Variants in CYP4F2 observed in about 807,000 individuals in gnomAD.
CYP4F2 encodes cytochrome P450 family 4 subfamily F member 2.
In CYP4F2, 58 loss-of-function variants were observed where a neutral mutation model predicts 58.9. The ratio of observed to expected loss-of-function variants is 0.98; its 90% CI spans 0.80 to 1.23. The LOEUF (loss-of-function observed/expected upper bound fraction) is 1.23. Among genes scored for constraint, CYP4F2 ranks in the 50% most tolerant of loss-of-function variants. CYP4F2 has a pLI of 0.00. For synonymous variants in CYP4F2, 287 were observed against 261.1 expected, an observed-to-expected ratio of 1.10 and a Z score of -0.95; for missense variants, 616 against 685.6, an observed-to-expected ratio of 0.90 and a Z score of 1.13.
At chr19:15,883,179 A>T (rs3093224) in intron 9 of CYP4F2, among the ~76,000 whole-genome samples, 1 of 152,196 alleles carries the variant, frequency 6.6e-6, no homozygotes, top group Non-Finnish European at 1.5e-5. Flanking sequence ...TGAAGAATCA[A>T]CTTACAGAAT....
At chr19:15,891,714 A>G (rs991519618) in intron 5 of CYP4F2, among the ~76,000 whole-genome samples, 3 of 152,156 alleles carry the variant, frequency 2.0e-5, no homozygotes, top group Non-Finnish European at 4.4e-5. Flanking sequence ...CTGCATTGTG[A>G]ACCATGGCGC....
chr19:15,896,382 C>T (rs574009269), intron 2 of CYP4F2, among the ~76,000 whole-genome samples: 8 of 152,294 alleles, frequency 5.3e-5, no homozygotes, highest in East Asian at 1.9e-4. Flanking sequence ...AGGGAGAAGA[C>T]GCACTGTCCA....
Position 15,897,567 on chromosome 19 carries a change from T to G in CYP4F2, c.45A>C (p.Ala15=). Residue 15 remains alanine, a synonymous_variant, in exon 2 of 13, where the codon GCA becomes GCC. Transcript: ENST00000221700. ...SLSWLGLWPV[A]ASPWLLLLLV... ...GCAGGAGGAGCAGCCAAGGGGATGC[T>G]GCCACTGGCCAGAGGCCCAGCCAGG... 2 of 1,613,914 alleles carry G rather than the reference T, an allele frequency of 1.2e-6. No individual in the cohort carries two copies. The highest frequency in any genetic ancestry group is 1.1e-5 in the South Asian group (1 of 91,070).
At chr19:15,896,058 G>T (rs1179789301) in intron 2 of CYP4F2, among the ~76,000 whole-genome samples, 3 of 145,256 alleles carry the variant, frequency 2.1e-5, no homozygotes, top group Non-Finnish European at 3.0e-5. Context: ...CCTATTATTT[G>T]TCTATCTATC....
Position 15,890,318 on chromosome 19 carries a change from C to A in CYP4F2, c.641G>T (p.Cys214Phe). The A allele has an allele frequency of 1.2e-6, 2 of 1,614,098 alleles. No individual in the cohort carries two copies. The highest frequency in any genetic ancestry group is 8.5e-7 in the Non-Finnish European group (1 of 1,179,998). Residue 214 changes from cysteine (C) to phenylalanine (F), a missense_variant, in exon 6 of 13, where the codon TGT becomes TTT. By Grantham distance (205) the Cys-to-Phe change is radical. Coordinates refer to ENST00000221700, the MANE Select transcript of CYP4F2 (RefSeq NM_001082.5). ...QKCVFSFDSH[C>F]QEKPSEYIAA... ...ATCCTGGGCAAGAACTTACTCCTGA[C>A]AATGGCTGTCAAAGCTGAAGACACA...
intron 7 of CYP4F2, among the ~76,000 whole-genome samples, chr19:15,888,213 G>C (rs1018809517): frequency 2.0e-5 from 3 of 150,276 alleles, no homozygotes; most frequent in African/African-American, 7.4e-5. Flanking sequence ...CATAGACAAA[G>C]TCACAGACTT....
At chr19:15,890,500 C>A in intron 5 of CYP4F2, 67 bp from the exon 6 acceptor site, 4 of 1,592,404 alleles carry the variant, frequency 2.5e-6, no homozygotes, top group Non-Finnish European at 3.4e-6. Context: ...CCAACCCCAA[C>A]TGCCAAGATG....
chr19:15,883,729 A>G (rs541729564), intron 9 of CYP4F2, among the ~76,000 whole-genome samples: 180 of 152,310 alleles, frequency 1.2e-3, no homozygotes, highest in Non-Finnish European at 2.1e-3. Context: ...CAGCCAAAAT[A>G]TGGAATCAAC....
chr19:15,878,932 A>G lies in CYP4F2; in HGVS notation c.1402T>C (p.Cys468Arg). ...FIPFSAGPRN[C>R]IGQTFAMAEM... ...GCCATCGCGAACGTCTGCCCGATGCAGTTCCTAGGGGAGGGAGGTGGGAAC... is the reference window on the plus strand; with the variant it reads ...GCCATCGCGAACGTCTGCCCGATGCGGTTCCTAGGGGAGGGAGGTGGGAAC... Residue 468 changes from cysteine (C) to arginine (R), a missense_variant, in exon 13 of 13, where the codon TGC becomes CGC. By Grantham distance (180) the Cys-to-Arg change is radical. Transcript: ENST00000221700. 1 of 1,613,274 alleles carries G rather than the reference A, an allele frequency of 6.2e-7. No individual in the cohort carries two copies. Among genetic ancestry groups the G allele is most frequent in the Non-Finnish European group, 8.5e-7 (1 of 1,179,672 alleles).
intron 5 of CYP4F2, among the ~76,000 whole-genome samples, chr19:15,890,744 T>A (rs1322846433): frequency 1.3e-5 from 2 of 152,236 alleles, no homozygotes; most frequent in Non-Finnish European, 2.9e-5. Context: ...TAAGATGATG[T>A]GCTTTGGAGC....
At position 15,878,886 on chromosome 19, in the gene CYP4F2, G is replaced by A. The variant is rs3952537; in HGVS notation, c.1448C>T (p.Ala483Val). The A allele has an allele frequency of 7.9e-6, 12 of 1,517,964 alleles. No individual in the cohort carries two copies. The East Asian group carries it at 2.4e-4, about 30-fold the overall frequency. 94.0% of individuals were successfully genotyped at this position (1,517,964 alleles called of 1,614,324 possible). ...FAMAEMKVVL[A>V]LTLLRFRVLP... ...GACGCGGAAGCGCAGCAGCGTGAGC[G>A]CCAGGACCACCTTCATCTCCGCCAT... The change falls in exon 13 of 13, where the codon GCG (alanine) becomes GTG (valine). Residue 483 changes from alanine to valine, a missense_variant. By Grantham distance (64) the Ala-to-Val change is moderately conservative. Transcript: ENST00000221700.
intron 6 of CYP4F2, among the ~76,000 whole-genome samples, chr19:15,889,993 T>C (rs2089407128): frequency 6.6e-6 from 1 of 152,192 alleles, no homozygotes; most frequent in Non-Finnish European, 1.5e-5. Context: ...TCCTTGAAAC[T>C]GTCCACAAAG....
chr19:15,881,604 T>TAGAG, intron 9 of CYP4F2, among the ~76,000 whole-genome samples: 1 of 142,798 alleles, frequency 7.0e-6, no homozygotes. Context: ...GATAGATAGA[T>TAGAG]AACAAATCTA....
intron 12 of CYP4F2, 34 bp from the exon 13 acceptor site, chr19:15,878,970 C>T (rs765673890): frequency 6.2e-7 from 1 of 1,606,966 alleles, no homozygotes; most frequent in Non-Finnish European, 8.5e-7. Context: ...TGACTGCACC[C>T]AGGAGCCCCA....
chr19:15,889,752 A>C (rs1599353946), intron 6 of CYP4F2, 59 bp from the exon 7 acceptor site: 3 of 1,586,906 alleles, frequency 1.9e-6, no homozygotes, highest in Non-Finnish European at 2.6e-6. Context: ...CCCCAGGATC[A>C]CCTCCCACCA....
intron 7 of CYP4F2, 59 bp from the exon 8 acceptor site, chr19:15,886,367 C>G: frequency 7.0e-7 from 1 of 1,422,408 alleles, no homozygotes; most frequent in Non-Finnish European, 9.4e-7. Context: ...CACACTAGCT[C>G]TAAGGGCTCT....
intron 1 of CYP4F2, 199 bp from the exon 2 acceptor site, chr19:15,897,811 A>G: frequency 6.7e-6 from 4 of 599,336 alleles, no homozygotes; most frequent in South Asian, 4.2e-5. Context: ...CCAGTTCCCT[A>G]GTAAGCACTT....
In CYP4F2 at chr19:15,895,466, G is replaced by A. The variant is rs560248442; in HGVS notation, c.343+40C>T. 4.7e-5 allele frequency: 69 copies of A among 1,464,306 alleles called. 1 individual carries two copies. In the South Asian group the frequency reaches 1.0e-3, roughly 21 times the overall value. The allele number at this position is 1,464,306 out of a possible 1,614,324, so 90.7% of individuals were successfully genotyped here. A position where few individuals can be genotyped will look rare whatever the true frequency, so the allele number is the denominator to read the frequency against. ...GAGCTTGGGGATAGCGGAAGTGCAG[G>A]CCTCAAATGCACTGCCCCACCAGCT... On this transcript the variant is annotated intron_variant, in intron 3 of 12. Transcript: ENST00000221700.
At chr19:15,881,555 G>C (rs184369196) in intron 9 of CYP4F2, among the ~76,000 whole-genome samples, 2 of 146,586 alleles carry the variant, frequency 1.4e-5, no homozygotes, top group Admixed American at 1.4e-4. Context: ...TAGATACATA[G>C]ATAGATGATG....
Sources: gnomAD v4.1 joint callset for allele counts (sites outside exome capture counted in the v4.1 genomes callset) on GRCh38, gnomAD v4.1.1 for gene constraint, MANE v1.5 for transcripts, NCBI Gene and HGNC (gene_info 2026-07-23, HGNC 2026-07-21) for gene names.